ALMS1: variants seen among roughly 807,000 people sequenced by gnomAD.
The protein encoded by ALMS1 is ALMS1 centrosome and basal body associated protein.
Under a neutral mutation model 352.2 loss-of-function variants are expected in ALMS1, and 271 were observed. The ratio of observed to expected loss-of-function variants is 0.77; its 90% CI spans 0.70 to 0.85. ALMS1 has a LOEUF of 0.85. Among genes scored for constraint, ALMS1 ranks in the 40% least tolerant of loss-of-function variants. The probability of loss-of-function intolerance (pLI) is 0.00; values close to 1 mark genes in which losing one functional copy is unlikely to be tolerated. For missense variants in ALMS1, 5,445 were observed against 4,870.7 expected, an observed-to-expected ratio of 1.12 and a Z score of -3.51; for synonymous variants, 1,865 against 1,761.2, an observed-to-expected ratio of 1.06 and a Z score of -1.48.
intron 1 of ALMS1, among the ~76,000 whole-genome samples, chr2:73,393,735 G>C (rs979692918): frequency 1.4e-4 from 21 of 151,980 alleles, no homozygotes; most frequent in African/African-American, 5.1e-4. Context: ...TAGAAAATCA[G>C]TTAGCCATAG....
intron 16 of ALMS1, among the ~76,000 whole-genome samples, chr2:73,578,354 C>T (rs536620654): frequency 1.2e-4 from 18 of 152,172 alleles, no homozygotes; most frequent in East Asian, 3.9e-4. Context: ...TTTTAATTGG[C>T]GAGTATAATC....
intron 7 of ALMS1, among the ~76,000 whole-genome samples, chr2:73,443,280 C>G (rs530019307): frequency 7.9e-5 from 12 of 152,256 alleles, no homozygotes; most frequent in Non-Finnish European, 1.2e-4. Flanking sequence ...ATACTTGCCT[C>G]TTTTTTCATA....
intron 16 of ALMS1, among the ~76,000 whole-genome samples, chr2:73,590,481 C>T (rs1675405934): frequency 6.6e-6 from 1 of 152,068 alleles, no homozygotes; most frequent in African/African-American, 2.4e-5. Context: ...AACTTAACAA[C>T]TATAATTTTT....
chr2:73,467,277 A>G (rs1225554715), intron 9 of ALMS1, among the ~76,000 whole-genome samples: 3 of 152,122 alleles, frequency 2.0e-5, no homozygotes, highest in Non-Finnish European at 2.9e-5. Context: ...TAAGGAAGTC[A>G]TGCAAATCAA....
In ALMS1 at chr2:73,600,801, A is replaced by T. The variant is rs776808559; in HGVS notation, c.11792A>T (p.Glu3931Val). Residue 3931 changes from glutamate to valine, a missense_variant, in exon 18 of 23, where the codon GAA (glutamate) becomes GTA (valine). Glu to Val is a moderately radical substitution (Grantham distance 121, BLOSUM62 -2). Coordinates refer to ENST00000613296, the MANE Select transcript of ALMS1 (RefSeq NM_001378454.1). ...AGTGATGTGACTTCTTGGTCAGAAG[A>T]AAAACGTGAAGAGAAAATGCTCTTT... ...ENSDVTSWSE[E>V]KREEKMLFTG... 7 of 1,614,258 alleles carry T rather than the reference A, an allele frequency of 4.3e-6. No homozygotes were observed. Among genetic ancestry groups the T allele is most frequent in the Non-Finnish European group, 5.9e-6 (7 of 1,180,030 alleles).
chr2:73,498,250 G>A (rs1157722654), intron 10 of ALMS1, among the ~76,000 whole-genome samples: 1 of 151,682 alleles, frequency 6.6e-6, no homozygotes, highest in African/African-American at 2.4e-5. Context: ...TGAGGTGGCT[G>A]TAGAAATTTC....
At chr2:73,396,186 G>A (rs1030369097) in intron 1 of ALMS1, among the ~76,000 whole-genome samples, 5 of 151,844 alleles carry the variant, frequency 3.3e-5, no homozygotes, top group Non-Finnish European at 7.4e-5. Flanking sequence ...TAATAATTTT[G>A]TCAAATTATT....
intron 3 of ALMS1, among the ~76,000 whole-genome samples, chr2:73,419,888 A>G (rs1009074469): frequency 6.6e-6 from 1 of 152,194 alleles, no homozygotes; most frequent in South Asian, 2.1e-4. Context: ...AAGGGATTCA[A>G]TTATGAAGAT....
intron 13 of ALMS1, among the ~76,000 whole-genome samples, chr2:73,552,515 A>C (rs1478537440): frequency 6.6e-6 from 1 of 152,224 alleles, no homozygotes; most frequent in Non-Finnish European, 1.5e-5. Flanking sequence ...AGAAGTCTGC[A>C]CAAAGAACTC....
intron 16 of ALMS1, among the ~76,000 whole-genome samples, chr2:73,597,638 A>AT (rs1240079873): frequency 2.0e-5 from 3 of 152,190 alleles, no homozygotes; most frequent in African/African-American, 7.2e-5. Flanking sequence ...CATCTAAATC[A>AT]TCTGTTATTT....
chr2:73,523,685 T>C (rs1402755774), intron 11 of ALMS1, among the ~76,000 whole-genome samples: 1 of 152,066 alleles, frequency 6.6e-6, no homozygotes, highest in Non-Finnish European at 1.5e-5. Context: ...GAGAATTGCT[T>C]GAACCCGGAA....
intron 9 of ALMS1, chr2:73,470,995 G>C (rs545234950): frequency 6.6e-6 from 1 of 151,906 alleles, no homozygotes; most frequent in South Asian, 2.1e-4. Context: ...TAAATCTAAA[G>C]TGAGTCTCTT....
At chr2:73,583,903 A>G (rs977682191) in intron 16 of ALMS1, among the ~76,000 whole-genome samples, 1 of 152,194 alleles carries the variant, frequency 6.6e-6, no homozygotes, top group African/African-American at 2.4e-5. Flanking sequence ...ATGTTTTCAA[A>G]TCAGGAAGTG....
intron 1 of ALMS1, among the ~76,000 whole-genome samples, chr2:73,387,563 A>G (rs1036793551): frequency 2.2e-4 from 34 of 152,290 alleles, no homozygotes; most frequent in African/African-American, 6.3e-4. Flanking sequence ...GAGAGAGAGC[A>G]TGGCATTTTC....
Position 73,489,647 on chromosome 2 carries a change from C to G in ALMS1, c.7688C>G (p.Pro2563Arg), listed in dbSNP as rs760945886. 5.0e-6 allele frequency: 8 copies of G among 1,613,878 alleles called. No homozygotes were observed. The East Asian group carries it at 1.6e-4, about 31-fold the overall frequency. ...TGTATCTTCTAGGGTTTACAGAGTC[C>G]ACGGGGAATGGGATGCAAGCCAGAA... ...TTDLSKGLQS[P>R]RGMGCKPEAV... The change falls in exon 10 of 23, where the codon CCA (proline) becomes CGA (arginine). Residue 2563 changes from proline to arginine, a missense_variant. Transcript: ENST00000613296.
In ALMS1 at chr2:73,424,554, C is replaced by A; in HGVS notation, c.889C>A (p.Gln297Lys). The change falls in exon 5 of 23, where the codon CAG (glutamine) becomes AAG (lysine). Residue 297 changes from glutamine (Q) to lysine (K), a missense_variant. By Grantham distance (53) the Gln-to-Lys change is moderately conservative. Transcript: ENST00000613296. Reference sequence around the variant, plus strand: ...AGCAAGCAGTCGCTTTAGTGTATCTCAGCACCCGCTTATAGGCAGCACAGC... The same window carrying A: ...AGCAAGCAGTCGCTTTAGTGTATCTAAGCACCCGCTTATAGGCAGCACAGC... ...DLASSRFSVS[Q>K]HPLIGSTAVG... The A allele has an allele frequency of 6.2e-7, 1 of 1,613,844 alleles. No individual in the cohort carries two copies. Among genetic ancestry groups the A allele is most frequent in the Non-Finnish European group, 8.5e-7 (1 of 1,179,940 alleles).
chr2:73,482,455 C>T (rs1262724775), intron 9 of ALMS1, among the ~76,000 whole-genome samples: 26 of 152,002 alleles, frequency 1.7e-4, no homozygotes, highest in African/African-American at 2.4e-4. Flanking sequence ...ATAAGCTTTT[C>T]GGTGTGCTGC....
chr2:73,500,007 G>A lies in ALMS1; in HGVS notation c.9539+8509G>A, dbSNP rs1402363704. Among the ~76,000 whole-genome samples, 4 of 152,156 alleles carry A rather than the reference G, an allele frequency of 2.6e-5. 1 individual carries two copies. The highest frequency in any genetic ancestry group is 9.7e-5 in the African/African-American group (4 of 41,446). On this transcript the variant is annotated intron_variant, in intron 10 of 22. Coordinates refer to ENST00000613296, the MANE Select transcript of ALMS1 (RefSeq NM_001378454.1). ...CTTCTTACACAGCCTGCAGAACTGT[G>A]AGCCAAACAAACCTTTTTACTTGGT...
At position 73,455,151 on chromosome 2, in the gene ALMS1, T is replaced by C. The variant is rs1337147752; in HGVS notation, c.7541-11T>C. 3 of 1,613,726 alleles carry C rather than the reference T, an allele frequency of 1.9e-6. No individual in the cohort carries two copies. The highest frequency in any genetic ancestry group is 2.2e-5 in the East Asian group (1 of 44,856). ...GCATTGTATTATCTCAAGTGTATGCTTTCTCTCCAGCCTGGAATATGAAGT... is the reference window on the plus strand; with the variant it reads ...GCATTGTATTATCTCAAGTGTATGCCTTCTCTCCAGCCTGGAATATGAAGT... On this transcript the variant is annotated splice_polypyrimidine_tract_variant and intron_variant, in intron 8 of 22. Coordinates refer to ENST00000613296, the MANE Select transcript of ALMS1 (RefSeq NM_001378454.1).
Sources: gnomAD v4.1 joint callset for allele counts (sites outside exome capture counted in the v4.1 genomes callset) on GRCh38, gnomAD v4.1.1 for gene constraint, MANE v1.5 for transcripts, NCBI Gene and HGNC (gene_info 2026-07-23, HGNC 2026-07-21) for gene names.